Variants in MCTP2 observed in about 807,000 individuals in gnomAD.
The protein encoded by MCTP2 is multiple C2 and transmembrane domain-containing protein 2.
In MCTP2, 132 loss-of-function variants were observed where a neutral mutation model predicts 111.6. The observed-to-expected ratio is 1.18, with a 90% CI of 1.03 to 1.37. The LOEUF (loss-of-function observed/expected upper bound fraction) is 1.37, where lower values mean the gene tolerates loss of function less well. Among genes scored for constraint, MCTP2 ranks in the 40% most tolerant of loss-of-function variants. The pLI, the probability that MCTP2 is intolerant of heterozygous loss-of-function variation, is 0.00. For missense variants in MCTP2, 1,183 were observed against 1,067.9 expected (o/e 1.11, Z -1.50); for synonymous variants, 395 against 387.7 (o/e 1.02, Z -0.22).
At chr15:94,241,909 T>C (rs536830632) in intron 1 of MCTP2, among the ~76,000 whole-genome samples, 1 of 152,336 alleles carries the variant, frequency 6.6e-6, no homozygotes, top group East Asian at 1.9e-4. Flanking sequence ...TGAATTTGTT[T>C]AATATTTCAT....
At chr15:94,467,173 G>T (rs905027083) in intron 20 of MCTP2, among the ~76,000 whole-genome samples, 3 of 152,062 alleles carry the variant, frequency 2.0e-5, no homozygotes, top group African/African-American at 7.2e-5. Flanking sequence ...AGAGTGGTGG[G>T]GTAAATTACG....
intron 19 of MCTP2, among the ~76,000 whole-genome samples, chr15:94,451,771 C>T (rs775173756): frequency 6.6e-6 from 1 of 152,200 alleles, no homozygotes; most frequent in Admixed American, 6.5e-5. Context: ...TGCAGACGAT[C>T]TTTCATACAA....
At chr15:94,476,586 T>C (rs527605504) in intron 21 of MCTP2, 110 bp from the exon 22 acceptor site, 23 of 701,888 alleles carry the variant, frequency 3.3e-5, no homozygotes, top group Admixed American at 1.3e-4. Context: ...AGATGCTAGA[T>C]AGATAGATGA....
Position 94,479,576 on chromosome 15 carries a change from A to G in MCTP2, c.*542A>G, listed in dbSNP as rs2074623546. 2 of 153,438 alleles carry G rather than the reference A, an allele frequency of 1.3e-5. No individual in the cohort carries two copies. Among genetic ancestry groups the G allele is most frequent in the Non-Finnish European group, 1.5e-5 (1 of 68,792 alleles). 9.5% of individuals were successfully genotyped at this position (153,438 alleles called of 1,614,324 possible). On this transcript the variant is annotated 3_prime_UTR_variant, in exon 23 of 23. Coordinates refer to ENST00000357742, the MANE Select transcript of MCTP2 (RefSeq NM_001385001.1). Reference sequence around the variant, plus strand: ...TTTAATAATTACCAGAATTAGCTCAAACCTTTAGGGATCTTTCAGCCATGA... The same window carrying G: ...TTTAATAATTACCAGAATTAGCTCAGACCTTTAGGGATCTTTCAGCCATGA...
chr15:94,456,955 A>T (rs1350226412), intron 19 of MCTP2, among the ~76,000 whole-genome samples: 1 of 152,016 alleles, frequency 6.6e-6, no homozygotes, highest in African/African-American at 2.4e-5. Context: ...GTTCTCTTTC[A>T]CTCCATCCAT....
intron 12 of MCTP2, among the ~76,000 whole-genome samples, chr15:94,379,731 G>A (rs1596521932): frequency 7.0e-6 from 1 of 142,150 alleles, no homozygotes; most frequent in East Asian, 2.0e-4. Flanking sequence ...TATATAATGT[G>A]TAATATAATA....
intron 16 of MCTP2, among the ~76,000 whole-genome samples, chr15:94,400,228 A>G (rs2081500389): frequency 6.6e-6 from 1 of 152,128 alleles, no homozygotes; most frequent in African/African-American, 2.4e-5. Flanking sequence ...CTTGGGTGAA[A>G]CAGAAGGTCT....
At chr15:94,328,005 C>A (rs1355112873) in intron 4 of MCTP2, among the ~76,000 whole-genome samples, 1 of 152,048 alleles carries the variant, frequency 6.6e-6, no homozygotes, top group African/African-American at 2.4e-5. Context: ...ATTCCTGCTG[C>A]GTGTAAGAAA....
chr15:94,259,972 T>C (rs900939704), intron 1 of MCTP2, among the ~76,000 whole-genome samples: 14 of 152,220 alleles, frequency 9.2e-5, no homozygotes, highest in Non-Finnish European at 1.8e-4. Flanking sequence ...AGATCATACA[T>C]TGGGTAAGGA....
intron 7 of MCTP2, among the ~76,000 whole-genome samples, chr15:94,344,636 AATT>A (rs2077862486): frequency 6.6e-6 from 1 of 152,204 alleles, no homozygotes; most frequent in Non-Finnish European, 1.5e-5. Context: ...ATTATGCAAT[AATT>A]ATTCATATTT....
At chr15:94,295,569 A>G (rs1596289972) in intron 1 of MCTP2, among the ~76,000 whole-genome samples, 2 of 152,298 alleles carry the variant, frequency 1.3e-5, no homozygotes, top group South Asian at 2.1e-4. Context: ...GCTGCATGAC[A>G]TATGGGTCAT....
chr15:94,418,850 T>C (rs1170119972), intron 17 of MCTP2, among the ~76,000 whole-genome samples: 4 of 152,150 alleles, frequency 2.6e-5, no homozygotes, highest in African/African-American at 9.6e-5. Context: ...CTTTTCCCCC[T>C]GTTTAAAAAT....
intron 17 of MCTP2, among the ~76,000 whole-genome samples, chr15:94,409,274 A>G (rs183364066): frequency 2.6e-5 from 4 of 152,212 alleles, no homozygotes; most frequent in Admixed American, 1.3e-4. Flanking sequence ...GCCCTTGAAC[A>G]TCGGACTCCG....
At chr15:94,363,605 C>G (rs1433078306) in intron 10 of MCTP2, among the ~76,000 whole-genome samples, 1 of 152,112 alleles carries the variant, frequency 6.6e-6, no homozygotes. Flanking sequence ...GGTGAAGGCA[C>G]AAAGCCACTG....
chr15:94,471,539 G>A (rs1035248675), intron 21 of MCTP2, among the ~76,000 whole-genome samples: 28 of 152,140 alleles, frequency 1.8e-4, no homozygotes, highest in African/African-American at 6.5e-4. Flanking sequence ...AATTACAGAA[G>A]TAGAATGATT....
intron 12 of MCTP2, among the ~76,000 whole-genome samples, chr15:94,379,348 T>C (rs2079967996): frequency 1.3e-5 from 2 of 152,240 alleles, no homozygotes; most frequent in South Asian, 4.1e-4. Flanking sequence ...TGCTCCAATA[T>C]CTGATAGTAA....
chr15:94,310,054 A>T (rs1409120989), intron 2 of MCTP2, among the ~76,000 whole-genome samples: 3 of 152,230 alleles, frequency 2.0e-5, no homozygotes, highest in Non-Finnish European at 2.9e-5. Context: ...ACTTGTACAA[A>T]ATTTGTTTGA....
At chr15:94,458,393 TC>T in intron 20 of MCTP2, 147 bp downstream of exon 20, 1 of 605,890 alleles carries the variant, frequency 1.7e-6, no homozygotes, top group East Asian at 2.8e-5. Flanking sequence ...CTGTCTGACT[TC>T]AGTTGGCTTC....
At chr15:94,244,353 C>T (rs952145675) in intron 1 of MCTP2, among the ~76,000 whole-genome samples, 2 of 148,884 alleles carry the variant, frequency 1.3e-5, no homozygotes, top group African/African-American at 4.9e-5. Context: ...TACGTATACA[C>T]ATACATATGT....
Sources: gnomAD v4.1 joint callset for allele counts (sites outside exome capture counted in the v4.1 genomes callset) on GRCh38, gnomAD v4.1.1 for gene constraint, MANE v1.5 for transcripts, NCBI Gene and HGNC (gene_info 2026-07-23, HGNC 2026-07-21) for gene names.